Variants in ITGB8 observed in about 807,000 individuals in gnomAD.
ITGB8 encodes the protein integrin subunit beta 8.
Under a neutral mutation model 89.5 loss-of-function variants are expected in ITGB8, and 30 were observed. That is an observed-to-expected ratio of 0.34 (90% CI 0.25 to 0.45). ITGB8 has a LOEUF of 0.45. Ranked by LOEUF, ITGB8 falls within the 20% of genes least tolerant of loss-of-function variation. The pLI, the probability that ITGB8 is intolerant of heterozygous loss-of-function variation, is 1.00. For synonymous variants in ITGB8, 335 were observed against 320.4 expected (o/e 1.05, Z -0.49); for missense variants, 836 against 933.3 (o/e 0.90, Z 1.36).
At chr7:20,366,782 C>A in intron 2 of ITGB8, 1 of 404,506 alleles carries the variant, frequency 2.5e-6, no homozygotes, top group South Asian at 3.4e-5. Context: ...AAAAAAAAAG[C>A]CAACCAGAGA....
chr7:20,358,415 T>G (rs1203103936), intron 1 of ITGB8, among the ~76,000 whole-genome samples: 1 of 151,082 alleles, frequency 6.6e-6, no homozygotes, highest in Non-Finnish European at 1.5e-5. Flanking sequence ...AGCATCATTT[T>G]TTTCTTTTTT....
intron 2 of ITGB8, 117 bp downstream of exon 2, chr7:20,363,839 A>G (rs1418972865): frequency 1.2e-5 from 6 of 481,580 alleles, no homozygotes; most frequent in Non-Finnish European, 3.6e-6. Context: ...ACTGCTGAAC[A>G]TAAGGAAAAT....
At chr7:20,348,576 C>A (rs1419386578) in intron 1 of ITGB8, among the ~76,000 whole-genome samples, 1 of 152,200 alleles carries the variant, frequency 6.6e-6, no homozygotes, top group Non-Finnish European at 1.5e-5. Flanking sequence ...TGCTGCAGCT[C>A]CTGGCCCCAG....
At chr7:20,353,655 C>T (rs945656954) in intron 1 of ITGB8, among the ~76,000 whole-genome samples, 11 of 147,134 alleles carry the variant, frequency 7.5e-5, no homozygotes, top group African/African-American at 2.7e-4. Context: ...GGTAATCGGC[C>T]GGGCGCGGTG....
chr7:20,357,967 T>TTTTG (rs1216612325), intron 1 of ITGB8, among the ~76,000 whole-genome samples: 1 of 152,132 alleles, frequency 6.6e-6, no homozygotes, highest in Non-Finnish European at 1.5e-5. Flanking sequence ...TTGTGTTTTG[T>TTTTG]TTTGTTTGTT....
chr7:20,375,654 A>C (rs1016909084), intron 3 of ITGB8, among the ~76,000 whole-genome samples: 17 of 152,244 alleles, frequency 1.1e-4, no homozygotes, highest in Admixed American at 2.0e-4. Context: ...CAACACCCAA[A>C]CCCCCTAAAA....
intron 1 of ITGB8, among the ~76,000 whole-genome samples, chr7:20,358,024 G>A (rs370431578): frequency 2.0e-5 from 3 of 152,280 alleles, no homozygotes; most frequent in East Asian, 3.9e-4. Flanking sequence ...GGAGTGCAAT[G>A]GCATGATCTT....
At chr7:20,343,335 G>C (rs1464356346) in intron 1 of ITGB8, among the ~76,000 whole-genome samples, 1 of 152,198 alleles carries the variant, frequency 6.6e-6, no homozygotes, top group African/African-American at 2.4e-5. Context: ...ATGCAATCAT[G>C]TAATAAAATG....
Position 20,404,893 on chromosome 7 carries a change from T to C in ITGB8, c.1913+40T>C, listed in dbSNP as rs756744714. 7.6e-6 allele frequency: 12 copies of C among 1,572,016 alleles called. No individual in the cohort carries two copies. The South Asian group carries it at 1.2e-4, about 16-fold the overall frequency. On this transcript the variant is annotated intron_variant, in intron 11 of 13. Coordinates refer to ENST00000222573, the MANE Select transcript of ITGB8 (RefSeq NM_002214.3). ...ACTCCAAACATACACAAAGAATAGC[T>C]ACTTTTGTCCTTTTTCGTTCTGACT...
rs1786270442 is a variant in ITGB8, at chr7:20,379,090, A to T, written c.428A>T (p.Lys143Met). 1 of 1,598,188 alleles carries T rather than the reference A, an allele frequency of 6.3e-7. No individual in the cohort carries two copies. The highest frequency in any genetic ancestry group is 1.7e-5 in the Admixed American group (1 of 58,126). The change falls in exon 4 of 14, where the codon AAG becomes ATG. Residue 143 changes from lysine (K) to methionine (M), a missense_variant. Around this residue, in one of 5 missense-constraint regions of ITGB8, gnomAD observed 182 missense variants for 177.0 expected, o/e 1.03. Transcript: ENST00000222573. ...ANFMLKVHPL[K>M]KYPVDLYYLV... ...TTTATGCTGAAAGTTCATCCTCTGAAGAAATATCCTGTGGATCTTTATTAT... is the reference window on the plus strand; with the variant it reads ...TTTATGCTGAAAGTTCATCCTCTGATGAAATATCCTGTGGATCTTTATTAT...
chr7:20,394,532 G>A (rs142115493), intron 7 of ITGB8, among the ~76,000 whole-genome samples: 1,740 of 152,338 alleles, frequency 0.011, 27 homozygotes, highest in African/African-American at 0.039. Flanking sequence ...GAAACCATAT[G>A]CAGAACTTCC....
intron 1 of ITGB8, among the ~76,000 whole-genome samples, chr7:20,349,869 C>T (rs1488662775): frequency 6.6e-6 from 1 of 152,100 alleles, no homozygotes; most frequent in Non-Finnish European, 1.5e-5. Context: ...TAAACTTTAT[C>T]GATATAATGT....
rs1000311983 is a variant in ITGB8 at position 20,363,821 on chromosome 7, A to G, written c.213+99A>G. ...GTGCCTTGAAGGTGCATCAGGAAAA[A>G]TAAAGATACTGCTGAACATAAGGAA... On this transcript the variant is annotated intron_variant, in intron 2 of 13. Transcript: ENST00000222573. 3 of 559,990 alleles carry G rather than the reference A, an allele frequency of 5.4e-6. No homozygotes were observed. The African/African-American group carries it at 5.8e-5, about 11-fold the overall frequency. 34.7% of individuals were successfully genotyped at this position (559,990 alleles called of 1,614,324 possible). A position where few individuals can be genotyped will look rare whatever the true frequency, so the allele number is the denominator to read the frequency against.
rs940003700 is a variant in ITGB8 at position 20,413,036 on chromosome 7, C to G, written c.*3039C>G. On this transcript the variant is annotated 3_prime_UTR_variant, in exon 14 of 14. Transcript: ENST00000222573. ...GATTTATAAATGTGCCATACATACA[C>G]TACAACATAACATTTGCTTTGTTAT... 1.3e-5 allele frequency: 2 copies of G among 152,224 alleles called. No individual in the cohort carries two copies. The highest frequency in any genetic ancestry group is 4.8e-5 in the African/African-American group (2 of 41,438). The allele number at this position is 152,224 out of a possible 1,614,324, so 9.4% of individuals were successfully genotyped here.
chr7:20,336,861 T>C (rs1278103854), intron 1 of ITGB8, among the ~76,000 whole-genome samples: 1 of 152,160 alleles, frequency 6.6e-6, no homozygotes, highest in Admixed American at 6.5e-5. Flanking sequence ...ACCCCATAGA[T>C]AACTTGAGGA....
intron 1 of ITGB8, among the ~76,000 whole-genome samples, chr7:20,337,753 G>A (rs1021764270): frequency 6.6e-6 from 1 of 152,200 alleles, no homozygotes; most frequent in African/African-American, 2.4e-5. Context: ...AACCTTGGAA[G>A]GTTCAGCTCT....
At chr7:20,401,652 CAG>C in intron 9 of ITGB8, 67 bp from the exon 10 acceptor site, 1 of 909,510 alleles carries the variant, frequency 1.1e-6, no homozygotes, top group South Asian at 2.3e-5. Context: ...CAGTTATTAA[CAG>C]ATATAATATT....
chr7:20,385,659 C>G (rs1786579371), intron 6 of ITGB8, among the ~76,000 whole-genome samples: 1 of 152,112 alleles, frequency 6.6e-6, no homozygotes, highest in Non-Finnish European at 1.5e-5. Flanking sequence ...TTAACATGTA[C>G]TTGACTTTTA....
chr7:20,391,502 T>C lies in ITGB8; in HGVS notation c.1056+4T>C, dbSNP rs1186241021. On this transcript the variant is annotated splice_donor_region_variant and intron_variant, in intron 7 of 13. Coordinates refer to ENST00000222573, the MANE Select transcript of ITGB8 (RefSeq NM_002214.3). ...AAAACAATTTCATTGGTATAAGGTATGTTAACTCTGAAAATGTTAAAATTA... is the reference window on the plus strand; with the variant it reads ...AAAACAATTTCATTGGTATAAGGTACGTTAACTCTGAAAATGTTAAAATTA... The C allele has an allele frequency of 4.1e-6, 6 of 1,450,494 alleles. No individual in the cohort carries two copies. The highest frequency in any genetic ancestry group is 5.7e-6 in the Non-Finnish European group (6 of 1,060,048). 89.9% of individuals were successfully genotyped at this position (1,450,494 alleles called of 1,614,324 possible). A position where few individuals can be genotyped will look rare whatever the true frequency, so the allele number is the denominator to read the frequency against.
Sources: gnomAD v4.1 joint callset for allele counts (sites outside exome capture counted in the v4.1 genomes callset) on GRCh38, gnomAD v4.1.1 for gene constraint, gnomAD v4.1.1 regional missense constraint, MANE v1.5 for transcripts, NCBI Gene and HGNC (gene_info 2026-07-23, HGNC 2026-07-21) for gene names.